DPP6: variants seen among roughly 807,000 people sequenced by gnomAD.
The protein encoded by DPP6 is dipeptidyl peptidase like 6, also known as A-type potassium channel modulatory protein DPP6.
In DPP6, 69 loss-of-function variants were observed where a neutral mutation model predicts 122.6. The ratio of observed to expected loss-of-function variants is 0.56; its 90% confidence interval spans 0.46 to 0.69. DPP6 has a LOEUF of 0.69. Among genes scored for constraint, DPP6 ranks in the 30% least tolerant of loss-of-function variants. The probability of loss-of-function intolerance (pLI) is 0.00; values close to 1 mark genes in which losing one functional copy is unlikely to be tolerated. For synonymous variants in DPP6, 418 were observed against 433.1 expected, an observed-to-expected ratio of 0.97 and a Z score of 0.43; for missense variants, 928 against 1,116.9, an observed-to-expected ratio of 0.83 and a Z score of 2.41.
chr7:154,446,020 G>A (rs370570088), intron 1 of DPP6, among the ~76,000 whole-genome samples, 194 bp from the exon 2 acceptor site: 19 of 152,316 alleles, frequency 1.2e-4, no homozygotes, highest in South Asian at 6.2e-4. Context: ...AATGACAGCC[G>A]AAGGCTTTGG....
intron 1 of DPP6, among the ~76,000 whole-genome samples, chr7:154,098,691 A>G (rs56394964): frequency 6.6e-5 from 10 of 151,116 alleles, no homozygotes; most frequent in South Asian, 2.1e-4. Flanking sequence ...AAGGGTGGAT[A>G]TCTATAGTTT....
intron 1 of DPP6, among the ~76,000 whole-genome samples, chr7:154,090,647 C>A (rs1382612727): frequency 6.6e-6 from 1 of 151,780 alleles, no homozygotes; most frequent in Non-Finnish European, 1.5e-5. Context: ...TGCTTCTGGT[C>A]CGTTGAGCTG....
At chr7:154,400,361 A>G (rs563712528) in intron 1 of DPP6, among the ~76,000 whole-genome samples, 1 of 152,166 alleles carries the variant, frequency 6.6e-6, no homozygotes, top group Admixed American at 6.5e-5. Flanking sequence ...AGCACAGGTG[A>G]GGCAGTGACT....
At chr7:154,112,126 C>G (rs958481544) in intron 1 of DPP6, among the ~76,000 whole-genome samples, 9 of 152,076 alleles carry the variant, frequency 5.9e-5, no homozygotes, top group African/African-American at 1.4e-4. Flanking sequence ...AACTCTGAAG[C>G]CAAACAAACT....
intron 7 of DPP6, among the ~76,000 whole-genome samples, chr7:154,679,726 C>A (rs1839167973): frequency 6.6e-6 from 1 of 152,188 alleles, no homozygotes; most frequent in Admixed American, 6.5e-5. Context: ...AGCCTCTAAT[C>A]AGCTTGGGTT....
chr7:154,295,658 T>C (rs1320492192), intron 1 of DPP6, among the ~76,000 whole-genome samples: 1 of 152,110 alleles, frequency 6.6e-6, no homozygotes, highest in African/African-American at 2.4e-5. Flanking sequence ...TCCCTCATAA[T>C]CCACTCCCCT....
At chr7:154,372,152 T>A (rs1812729214) in intron 1 of DPP6, among the ~76,000 whole-genome samples, 1 of 152,146 alleles carries the variant, frequency 6.6e-6, no homozygotes, top group African/African-American at 2.4e-5. Flanking sequence ...GGTTGCTGCC[T>A]GCTTTCATGT....
chr7:154,692,442 C>A (rs1839982483), intron 7 of DPP6, among the ~76,000 whole-genome samples: 1 of 152,184 alleles, frequency 6.6e-6, no homozygotes, highest in Non-Finnish European at 1.5e-5. Flanking sequence ...TTGTTATGGT[C>A]CTCACTGGGG....
At chr7:154,365,957 CAAA>C (rs35516153) in intron 1 of DPP6, among the ~76,000 whole-genome samples, 2 of 75,940 alleles carry the variant, frequency 2.6e-5, no homozygotes, top group Admixed American at 1.5e-4. Flanking sequence ...GACTCCGTCT[CAAA>C]AAAAAAAAAA....
At chr7:153,782,546 G>A in the DPP6 span, among the ~76,000 whole-genome samples, 2 of 152,152 alleles carry the variant, frequency 1.3e-5, no homozygotes, top group Non-Finnish European at 2.9e-5. Context: ...TAGCGTGTGG[G>A]CCCTTTCTGT....
chr7:154,120,247 C>CTTT (rs752134239), intron 1 of DPP6, among the ~76,000 whole-genome samples: 1 of 144,438 alleles, frequency 6.9e-6, no homozygotes, highest in Non-Finnish European at 1.5e-5. Context: ...TTTCTCTCTT[C>CTTT]TTTTTTTTTT....
At chr7:154,267,977 G>T (rs11769830) in intron 1 of DPP6, among the ~76,000 whole-genome samples, 2 of 145,724 alleles carry the variant, frequency 1.4e-5, no homozygotes, top group African/African-American at 5.1e-5. Flanking sequence ...ACGTATATGC[G>T]CACATACATA....
intron 1 of DPP6, among the ~76,000 whole-genome samples, chr7:154,129,619 G>A (rs1420651647): frequency 6.6e-6 from 1 of 152,206 alleles, no homozygotes; most frequent in Non-Finnish European, 1.5e-5. Flanking sequence ...AAAATTAGCG[G>A]CCGGGCACAG....
At chr7:154,152,862 G>A (rs544806527) in intron 1 of DPP6, among the ~76,000 whole-genome samples, 311 of 152,296 alleles carry the variant, frequency 2.0e-3, no homozygotes, top group Non-Finnish European at 3.6e-3. Context: ...TTGACTTGCC[G>A]GAGTTGGAAG....
At chr7:154,159,896 C>T (rs1314817886) in intron 1 of DPP6, among the ~76,000 whole-genome samples, 1 of 151,796 alleles carries the variant, frequency 6.6e-6, no homozygotes, top group East Asian at 1.9e-4. Context: ...ATTTCTTCAG[C>T]CCAGGAGTTC....
chr7:153,911,911 G>C (rs1288714343), intron 1 of DPP6, among the ~76,000 whole-genome samples: 1 of 152,190 alleles, frequency 6.6e-6, no homozygotes, highest in Non-Finnish European at 1.5e-5. Flanking sequence ...ATCTTAGTAA[G>C]GTGATAATCC....
the DPP6 span, among the ~76,000 whole-genome samples, chr7:153,847,063 T>A: frequency 6.6e-6 from 1 of 152,236 alleles, no homozygotes; most frequent in African/African-American, 2.4e-5. Context: ...TCTTCAAGTC[T>A]ATAGACTATT....
chr7:154,178,490 TTG>T (rs1797917648), intron 1 of DPP6, among the ~76,000 whole-genome samples: 1 of 150,630 alleles, frequency 6.6e-6, no homozygotes, highest in Non-Finnish European at 1.5e-5. Context: ...TTTTATTAAG[TTG>T]GGGATTCTTG....
intron 1 of DPP6, among the ~76,000 whole-genome samples, chr7:154,405,533 C>T (rs1416749001): frequency 6.6e-6 from 1 of 152,154 alleles, no homozygotes; most frequent in African/African-American, 2.4e-5. Flanking sequence ...AGAAAGGAGT[C>T]TATTAACAAG....
Sources: allele counts gnomAD v4.1 joint callset (sites outside exome capture counted in the v4.1 genomes callset), GRCh38; gene constraint gnomAD v4.1.1; transcripts MANE v1.5; gene names NCBI Gene and HGNC (gene_info 2026-07-23, HGNC 2026-07-21).